ABCA6: variants seen among roughly 807,000 people sequenced by gnomAD.
ABCA6 encodes ATP-binding cassette sub-family A member 6.
In ABCA6, 164 loss-of-function variants were observed where a neutral mutation model predicts 191.2. That is an observed-to-expected ratio of 0.86 (90% CI 0.76 to 0.98). ABCA6 has a LOEUF of 0.98. Ranked by LOEUF, ABCA6 falls within the 50% of genes least tolerant of loss-of-function variation. The pLI is 0.00. For synonymous variants in ABCA6, 636 were observed against 647.7 expected, an observed-to-expected ratio of 0.98 and a Z score of 0.27; for missense variants, 1,958 against 1,894.1, an observed-to-expected ratio of 1.03 and a Z score of -0.63.
chr17:69,086,771 T>A, intron 29 of ABCA6, 36 bp from the exon 30 acceptor site: 1 of 1,466,526 alleles, frequency 6.8e-7, no homozygotes, highest in South Asian at 1.2e-5. Flanking sequence ...CCTCTTAAAT[T>A]TCAGAGACTT....
intron 26 of ABCA6, 116 bp downstream of exon 26, chr17:69,091,027 A>T: frequency 9.7e-7 from 1 of 1,035,856 alleles, no homozygotes; most frequent in Non-Finnish European, 1.4e-6. Context: ...AAAATCTCTT[A>T]TGCCCATTTG....
At chr17:69,131,288 A>G (rs2073856895) in intron 6 of ABCA6, among the ~76,000 whole-genome samples, 1 of 152,228 alleles carries the variant, frequency 6.6e-6, no homozygotes, top group South Asian at 2.1e-4. Context: ...GAACATGTTC[A>G]CACCAGATTT....
chr17:69,080,995 G>C, intron 37 of ABCA6, 71 bp downstream of exon 37: 1 of 970,300 alleles, frequency 1.0e-6, no homozygotes, highest in East Asian at 2.6e-5. Context: ...TACACAATTA[G>C]CTTCCATTAA....
chr17:69,081,831 T>C (rs2072643234), intron 36 of ABCA6, among the ~76,000 whole-genome samples: 1 of 152,218 alleles, frequency 6.6e-6, no homozygotes, highest in Non-Finnish European at 1.5e-5. Flanking sequence ...TAATATGAGG[T>C]TGGGAGAGTT....
intron 8 of ABCA6, among the ~76,000 whole-genome samples, chr17:69,126,408 G>A (rs557740293): frequency 1.3e-4 from 20 of 152,278 alleles, no homozygotes; most frequent in African/African-American, 4.8e-4. Flanking sequence ...CACTTTGATA[G>A]GCTGAGTTGG....
intron 2 of ABCA6, among the ~76,000 whole-genome samples, chr17:69,138,060 G>A (rs1349314831): frequency 1.3e-5 from 2 of 152,140 alleles, no homozygotes; most frequent in Non-Finnish European, 2.9e-5. Flanking sequence ...GGGCAGAAGT[G>A]ATATGCACTA....
chr17:69,095,691 A>G (rs1220713100), intron 25 of ABCA6, among the ~76,000 whole-genome samples: 1 of 152,204 alleles, frequency 6.6e-6, no homozygotes, highest in African/African-American at 2.4e-5. Context: ...ACAGACATTC[A>G]ATCACCAGTT....
intron 10 of ABCA6, among the ~76,000 whole-genome samples, chr17:69,119,024 CA>C (rs1455917801): frequency 6.6e-6 from 1 of 151,970 alleles, no homozygotes; most frequent in Non-Finnish European, 1.5e-5. Flanking sequence ...CTGATGCCTG[CA>C]AACAACATCT....
intron 17 of ABCA6, 54 bp downstream of exon 17, chr17:69,110,747 T>C (rs1045832896): frequency 2.6e-6 from 4 of 1,518,580 alleles, no homozygotes; most frequent in Non-Finnish European, 2.6e-6. Flanking sequence ...ATTTTAATAA[T>C]AATGTGAACA....
Position 69,085,122 on chromosome 17 carries a change from C to T in ABCA6, c.4090G>A (p.Val1364Met). Residue 1364 changes from valine to methionine, a missense_variant, in exon 32 of 39, where the codon GTG becomes ATG. Val to Met is a conservative substitution (Grantham distance 21, BLOSUM62 1). Transcript: ENST00000284425. ...GHLGYCPQEN[V>M]LWPMLTLREH... ...CTCAACGTCAGCATGGGCCACAGCA[C>T]GTTCTCTTGAGGGCAGTACCCCAGG... 1 of 1,613,206 alleles carries T rather than the reference C, an allele frequency of 6.2e-7. No homozygotes were observed. The highest frequency in any genetic ancestry group is 8.5e-7 in the Non-Finnish European group (1 of 1,179,604).
At chr17:69,096,548 T>C in intron 24 of ABCA6, 80 bp downstream of exon 24, 1 of 1,120,256 alleles carries the variant, frequency 8.9e-7, no homozygotes. Flanking sequence ...AATTAAAACA[T>C]CTTAACTACT....
intron 29 of ABCA6, 54 bp downstream of exon 29, chr17:69,087,299 T>C (rs2072822383): frequency 6.3e-7 from 1 of 1,594,576 alleles, no homozygotes; most frequent in Non-Finnish European, 8.5e-7. Context: ...AATCCTGCTC[T>C]TGACAGTTCT....
rs1433179880 is a variant in ABCA6 at position 69,137,474 on chromosome 17, T to C, written c.123A>G (p.Gly41=). The change falls in exon 3 of 39, where the codon GGA becomes GGG. Residue 41 remains glycine, a synonymous_variant. Transcript: ENST00000284425. ...LLEWGLSILL[G]LCIALFSSSM... is the part of the protein sequence containing the mutation. ...AACTGGAAAACAGAGCAATACACAG[T>C]CCTAGAAGTATTGAGAGGCCCCATT... The C allele has an allele frequency of 1.9e-6, 3 of 1,613,286 alleles. No individual in the cohort carries two copies. The highest frequency in any genetic ancestry group is 2.2e-5 in the East Asian group (1 of 44,806).
chr17:69,139,193 CT>C (rs2073992111), intron 2 of ABCA6, among the ~76,000 whole-genome samples: 1 of 152,132 alleles, frequency 6.6e-6, no homozygotes, highest in African/African-American at 2.4e-5. Flanking sequence ...TCCCAACCTA[CT>C]CATCTGACAA....
chr17:69,140,765 G>A lies in ABCA6; in HGVS notation c.-45-17C>T. 1 of 1,132,192 alleles carries A rather than the reference G, an allele frequency of 8.8e-7. No individual in the cohort carries two copies. The highest frequency in any genetic ancestry group is 2.2e-4 in the Middle Eastern group (1 of 4,534). 70.1% of individuals were successfully genotyped at this position (1,132,192 alleles called of 1,614,324 possible). ...GAACACAACCTAGAAAAAAATAAGT[G>A]TAATAAGAAAAACCTTGATCATAGT... On this transcript the variant is annotated splice_polypyrimidine_tract_variant and intron_variant, in intron 1 of 38. Coordinates refer to ENST00000284425, the MANE Select transcript of ABCA6 (RefSeq NM_080284.3).
At position 69,096,815 on chromosome 17, in the gene ABCA6, A is replaced by G. The variant is rs771300156; in HGVS notation, c.3121-14T>C. On this transcript the variant is annotated splice_polypyrimidine_tract_variant and intron_variant, in intron 23 of 38. Transcript: ENST00000284425. ...CTTAGCATTTTTCTGATTAAAAAAA[A>G]AAAGAAAGAAAGAAATGTATATAGA... is the stretch of plus-strand genomic sequence containing the variant. 1.8e-5 allele frequency: 27 copies of G among 1,520,516 alleles called. No individual in the cohort carries two copies. Among genetic ancestry groups the G allele is most frequent in the East Asian group, 4.8e-5 (2 of 41,252 alleles). The allele number at this position is 1,520,516 out of a possible 1,614,324, so 94.2% of individuals were successfully genotyped here. A position where few individuals can be genotyped will look rare whatever the true frequency, so the allele number is the denominator to read the frequency against.
At chr17:69,111,745 AC>A (rs1568018730) in intron 16 of ABCA6, 1 of 161,204 alleles carries the variant, frequency 6.2e-6, no homozygotes, top group Non-Finnish European at 1.4e-5. Flanking sequence ...TAATATATAC[AC>A]TTTTTTGTTA....
chr17:69,092,198 T>C (rs898657118), intron 25 of ABCA6, among the ~76,000 whole-genome samples: 1 of 152,226 alleles, frequency 6.6e-6, no homozygotes, highest in Non-Finnish European at 1.5e-5. Context: ...TATTGAGCAC[T>C]ACCCTTTCTT....
Position 69,100,877 on chromosome 17 carries a change from T to C in ABCA6, c.2932A>G (p.Met978Val), listed in dbSNP as rs112641777. 180 of 1,611,506 alleles carry C rather than the reference T, an allele frequency of 1.1e-4. No individual in the cohort carries two copies. The African/African-American group carries it at 1.5e-3, about 14-fold the overall frequency. ...AGTAGCCCATTGCTGATAATATTCA[T>C]AAGAATTGGAAAACAGTGCAATCTC... ...TKRLHCFPIL[M>V]NIISNGLLQM... Residue 978 changes from methionine (M) to valine (V), a missense_variant, in exon 22 of 39, where the codon ATG becomes GTG. Coordinates refer to ENST00000284425, the MANE Select transcript of ABCA6 (RefSeq NM_080284.3).
Sources: allele counts gnomAD v4.1 joint callset (sites outside exome capture counted in the v4.1 genomes callset), GRCh38; gene constraint gnomAD v4.1.1; transcripts MANE v1.5; gene names NCBI Gene and HGNC (gene_info 2026-07-23, HGNC 2026-07-21).